Variants in TIMP3 observed in about 807,000 individuals in gnomAD.
TIMP3 encodes the protein TIMP metallopeptidase inhibitor 3, also known as metalloproteinase inhibitor 3.
In TIMP3, 11 loss-of-function variants were observed where a neutral mutation model predicts 30.0. The ratio of observed to expected loss-of-function variants is 0.37; its 90% confidence interval spans 0.23 to 0.61. The LOEUF (loss-of-function observed/expected upper bound fraction) is 0.61. Ranked by LOEUF, TIMP3 falls within the 20% of genes least tolerant of loss-of-function variation. The pLI is 0.70. For missense variants in TIMP3, 181 were observed against 276.8 expected (o/e 0.65, Z 2.45); for synonymous variants, 112 against 111.3 (o/e 1.01, Z -0.04).
At chr22:32,849,111 T>A (rs1048544570) in intron 1 of TIMP3, among the ~76,000 whole-genome samples, 1 of 152,248 alleles carries the variant, frequency 6.6e-6, no homozygotes, top group African/African-American at 2.4e-5. Flanking sequence ...GGGGGGACAA[T>A]GGCTCTAACA....
At chr22:32,817,571 C>T (rs1425020412) in intron 1 of TIMP3, among the ~76,000 whole-genome samples, 2 of 152,094 alleles carry the variant, frequency 1.3e-5, no homozygotes, top group African/African-American at 4.8e-5. Context: ...TGTAGTGGTG[C>T]CAGTGGGTGC....
At chr22:32,842,936 G>A (rs1569268937) in intron 1 of TIMP3, among the ~76,000 whole-genome samples, 1 of 152,282 alleles carries the variant, frequency 6.6e-6, no homozygotes, top group Non-Finnish European at 1.5e-5. Context: ...AGCTTATCAA[G>A]GGTCCTTCCT....
intron 1 of TIMP3, among the ~76,000 whole-genome samples, chr22:32,823,949 G>C (rs948262002): frequency 2.0e-5 from 3 of 152,110 alleles, no homozygotes; most frequent in African/African-American, 7.2e-5. Flanking sequence ...TATGAAGTCA[G>C]CACATAGAAA....
In TIMP3 at chr22:32,858,042, C is replaced by T; in HGVS notation, c.342C>T (p.Tyr114=). The T allele has an allele frequency of 6.2e-7, 1 of 1,614,188 alleles. No homozygotes were observed. Among genetic ancestry groups the T allele is most frequent in the African/African-American group, 1.3e-5 (1 of 75,050 alleles). ...LTGRVYDGKM[Y]TGLCNFVERW... ...GTCGCGTCTATGATGGCAAGATGTA[C>T]ACGGGGCTGTGCAACTTCGTGGAGA... Residue 114 remains tyrosine (Y), a synonymous_variant, in exon 4 of 5, where the codon TAC becomes TAT. Coordinates refer to ENST00000266085, the MANE Select transcript of TIMP3 (RefSeq NM_000362.5).
chr22:32,815,934 G>A (rs2047078566), intron 1 of TIMP3, among the ~76,000 whole-genome samples: 1 of 152,164 alleles, frequency 6.6e-6, no homozygotes, highest in Admixed American at 6.5e-5. Flanking sequence ...TAGACAGCCT[G>A]GATTTTTCTG....
At chr22:32,815,406 G>A (rs923101896) in intron 1 of TIMP3, among the ~76,000 whole-genome samples, 1 of 152,090 alleles carries the variant, frequency 6.6e-6, no homozygotes, top group Non-Finnish European at 1.5e-5. Context: ...AGATGGAACT[G>A]GAACAAAAAT....
chr22:32,835,754 T>G (rs1315937582), intron 1 of TIMP3, among the ~76,000 whole-genome samples: 2 of 152,208 alleles, frequency 1.3e-5, no homozygotes, highest in Non-Finnish European at 2.9e-5. Flanking sequence ...ACTGGACTTC[T>G]CTCTTCCTGC....
At chr22:32,844,047 G>GT (rs1455645830) in intron 1 of TIMP3, among the ~76,000 whole-genome samples, 3 of 152,054 alleles carry the variant, frequency 2.0e-5, no homozygotes, top group Non-Finnish European at 2.9e-5. Context: ...GTGGAACCTG[G>GT]ACTCCTAAGT....
At chr22:32,848,828 G>A (rs1341859567) in intron 1 of TIMP3, among the ~76,000 whole-genome samples, 5 of 152,144 alleles carry the variant, frequency 3.3e-5, no homozygotes, top group Non-Finnish European at 5.9e-5. Flanking sequence ...CCTGAGCCCC[G>A]ACTCCCAATT....
chr22:32,836,905 T>C (rs2047747552), intron 1 of TIMP3, among the ~76,000 whole-genome samples: 1 of 152,200 alleles, frequency 6.6e-6, no homozygotes, highest in Non-Finnish European at 1.5e-5. Flanking sequence ...TTGGCTCTTG[T>C]TCAAACCACA....
At chr22:32,807,379 A>T (rs1430901908) in intron 1 of TIMP3, among the ~76,000 whole-genome samples, 5 of 106,130 alleles carry the variant, frequency 4.7e-5, no homozygotes, top group Admixed American at 3.5e-4. Context: ...ATTATATATA[A>T]TATATATTAT....
intron 1 of TIMP3, among the ~76,000 whole-genome samples, chr22:32,810,675 C>T (rs552316589): frequency 5.3e-5 from 8 of 152,296 alleles, no homozygotes; most frequent in African/African-American, 1.9e-4. Context: ...CGCCTGGCTG[C>T]CTGCAGAGAA....
At chr22:32,807,974 T>G (rs2046811758) in intron 1 of TIMP3, among the ~76,000 whole-genome samples, 2 of 151,788 alleles carry the variant, frequency 1.3e-5, no homozygotes, top group African/African-American at 2.4e-5. Flanking sequence ...TTACTGAGTG[T>G]TTTTTTTCCT....
intron 2 of TIMP3, among the ~76,000 whole-genome samples, chr22:32,853,720 T>G (rs890723762): frequency 6.6e-6 from 1 of 152,222 alleles, no homozygotes; most frequent in African/African-American, 2.4e-5. Flanking sequence ...AACTCATTCC[T>G]CCTCTCCTTA....
intron 1 of TIMP3, among the ~76,000 whole-genome samples, chr22:32,810,077 C>A (rs1487667178): frequency 6.6e-6 from 1 of 152,172 alleles, no homozygotes; most frequent in African/African-American, 2.4e-5. Context: ...TGTCTGGCAT[C>A]CAGGGGTACA....
intron 1 of TIMP3, among the ~76,000 whole-genome samples, chr22:32,804,295 C>T (rs890398485): frequency 6.6e-6 from 1 of 152,118 alleles, no homozygotes; most frequent in African/African-American, 2.4e-5. Context: ...TGCCGACCTC[C>T]CTCGCCTTGC....
intron 1 of TIMP3, among the ~76,000 whole-genome samples, chr22:32,839,164 T>C (rs2047821635): frequency 6.6e-6 from 1 of 151,966 alleles, no homozygotes; most frequent in Non-Finnish European, 1.5e-5. Flanking sequence ...TTCAGAGTGA[T>C]AGGGTTTGAG....
chr22:32,814,210 CAAAG>C (rs1569245074), intron 1 of TIMP3, among the ~76,000 whole-genome samples: 18 of 52,380 alleles, frequency 3.4e-4, no homozygotes, highest in East Asian at 2.0e-3. Context: ...AGAAAGAAAA[CAAAG>C]AAAGGAAAGA....
At chr22:32,848,612 A>G (rs1204475391) in intron 1 of TIMP3, among the ~76,000 whole-genome samples, 3 of 152,210 alleles carry the variant, frequency 2.0e-5, no homozygotes, top group African/African-American at 7.2e-5. Flanking sequence ...GATGATATTA[A>G]TAATATTTGT....
Sources: allele counts gnomAD v4.1 joint callset (sites outside exome capture counted in the v4.1 genomes callset), GRCh38; gene constraint gnomAD v4.1.1; transcripts MANE v1.5; gene names NCBI Gene and HGNC (gene_info 2026-07-23, HGNC 2026-07-21).